MACROD2: variants seen among roughly 807,000 people sequenced by gnomAD.
MACROD2 encodes the protein ADP-ribose glycohydrolase MACROD2.
In MACROD2, 36 loss-of-function variants were observed where a neutral mutation model predicts 70.4. The ratio of observed to expected loss-of-function variants is 0.51; its 90% CI spans 0.39 to 0.68. The LOEUF (loss-of-function observed/expected upper bound fraction) is 0.68. Ranked by LOEUF, MACROD2 falls within the 30% of genes least tolerant of loss-of-function variation. The pLI is 0.00. For missense variants in MACROD2, 496 were observed against 538.4 expected (o/e 0.92, Z 0.78); for synonymous variants, 172 against 178.8 (o/e 0.96, Z 0.30).
chr20:14,782,800 G>C (rs1435854261), intron 5 of MACROD2, among the ~76,000 whole-genome samples: 1 of 152,016 alleles, frequency 6.6e-6, no homozygotes, highest in African/African-American at 2.4e-5. Flanking sequence ...CTGATTTTCT[G>C]TACTCCAGTC....
At chr20:14,220,987 G>A (rs1263144004) in intron 3 of MACROD2, among the ~76,000 whole-genome samples, 2 of 152,176 alleles carry the variant, frequency 1.3e-5, no homozygotes, top group Admixed American at 6.5e-5. Context: ...AGTGCGAGGT[G>A]CCGCCCACTG....
intron 7 of MACROD2, among the ~76,000 whole-genome samples, chr20:15,437,789 A>G (rs889292454): frequency 3.3e-5 from 5 of 152,186 alleles, no homozygotes; most frequent in Non-Finnish European, 7.4e-5. Context: ...ACTAAGGATA[A>G]TAGCTTCCAG....
chr20:14,658,127 G>A (rs907564896), intron 4 of MACROD2, among the ~76,000 whole-genome samples: 3 of 151,694 alleles, frequency 2.0e-5, no homozygotes, highest in East Asian at 3.9e-4. Flanking sequence ...AAGATGATGA[G>A]GGAAAAAAGA....
chr20:14,426,475 T>G (rs759380594), intron 3 of MACROD2, among the ~76,000 whole-genome samples: 1 of 152,148 alleles, frequency 6.6e-6, no homozygotes, highest in Admixed American at 6.6e-5. Context: ...TACATATTAG[T>G]TTGCTTAATT....
intron 5 of MACROD2, among the ~76,000 whole-genome samples, chr20:15,056,593 A>G (rs557448291): frequency 6.6e-6 from 1 of 152,282 alleles, no homozygotes; most frequent in South Asian, 2.1e-4. Flanking sequence ...TCAACAGTAA[A>G]TAACTTTAAC....
chr20:15,914,129 A>G (rs2065276950), intron 10 of MACROD2, among the ~76,000 whole-genome samples: 1 of 152,226 alleles, frequency 6.6e-6, no homozygotes, highest in South Asian at 2.1e-4. Flanking sequence ...CAGGAAGACT[A>G]TTAACCCCTT....
chr20:15,816,384 C>A (rs2063875428), intron 8 of MACROD2, among the ~76,000 whole-genome samples: 1 of 152,046 alleles, frequency 6.6e-6, no homozygotes, highest in Non-Finnish European at 1.5e-5. Context: ...TTAATTCATG[C>A]AAACCAGCCT....
intron 2 of MACROD2, among the ~76,000 whole-genome samples, chr20:14,056,323 T>C: frequency 6.6e-6 from 1 of 152,110 alleles, no homozygotes; most frequent in East Asian, 1.9e-4. Context: ...AGATTGGAGG[T>C]ATATATGTAT....
At chr20:15,820,113 G>A (rs2063923204) in intron 8 of MACROD2, among the ~76,000 whole-genome samples, 1 of 152,010 alleles carries the variant, frequency 6.6e-6, no homozygotes, top group Admixed American at 6.6e-5. Flanking sequence ...GCGACACTGT[G>A]TGCTGAAGCA....
intron 7 of MACROD2, among the ~76,000 whole-genome samples, chr20:15,483,411 A>G (rs1363364279): frequency 6.6e-6 from 1 of 152,054 alleles, no homozygotes; most frequent in Non-Finnish European, 1.5e-5. Context: ...CCATTGATCT[A>G]TTTCTCCATC....
rs199851966 is a variant in MACROD2, at chr20:15,088,457, TTGTG to T, written c.419-141469_419-141466del. Among the ~76,000 whole-genome samples the T allele has an allele frequency of 3.5e-4, 43 of 123,496 alleles. 1 individual carries two copies. The South Asian group carries it at 4.9e-3, about 14-fold the overall frequency. 81.0% of individuals were successfully genotyped at this position (123,496 alleles called of 152,430 possible). A position where few individuals can be genotyped will look rare whatever the true frequency, so the allele number is the denominator to read the frequency against. On this transcript the variant is annotated intron_variant, in intron 5 of 17. Coordinates refer to ENST00000684519, the MANE Select transcript of MACROD2 (RefSeq NM_001351661.2). ...TATATATATATATATATATAATATT[TTGTG>T]TGTGTGTGTGTGTTGCTTTAAAGTC...
chr20:15,724,274 A>G (rs1268748578), intron 8 of MACROD2, among the ~76,000 whole-genome samples: 1 of 152,098 alleles, frequency 6.6e-6, no homozygotes, highest in Non-Finnish European at 1.5e-5. Flanking sequence ...TTTGAGTTTT[A>G]TGAAGTTTAG....
chr20:14,740,455 C>G (rs1278154354), intron 5 of MACROD2, among the ~76,000 whole-genome samples: 47 of 152,082 alleles, frequency 3.1e-4, no homozygotes, highest in Admixed American at 3.1e-3. Context: ...AAATCTTTTC[C>G]TTGGTTATCA....
intron 7 of MACROD2, among the ~76,000 whole-genome samples, chr20:15,431,928 T>C (rs536390649): frequency 6.6e-6 from 1 of 152,216 alleles, no homozygotes; most frequent in African/African-American, 2.4e-5. Flanking sequence ...CAAATTTTTT[T>C]TTCTGCATAG....
At chr20:15,725,953 T>C (rs2050856541) in intron 8 of MACROD2, among the ~76,000 whole-genome samples, 1 of 152,128 alleles carries the variant, frequency 6.6e-6, no homozygotes, top group Admixed American at 6.5e-5. Flanking sequence ...AACCTTTATA[T>C]AGGTAAATCT....
At chr20:14,302,757 A>G (rs947736501) in intron 3 of MACROD2, among the ~76,000 whole-genome samples, 4 of 151,718 alleles carry the variant, frequency 2.6e-5, no homozygotes, top group African/African-American at 4.8e-5. Context: ...CCAGGTTCAA[A>G]TGATTCTGTT....
At chr20:14,103,748 T>C (rs2054329594) in intron 3 of MACROD2, among the ~76,000 whole-genome samples, 1 of 152,210 alleles carries the variant, frequency 6.6e-6, no homozygotes, top group Admixed American at 6.5e-5. Context: ...ATAAATACAA[T>C]ACTTTTTATA....
intron 7 of MACROD2, among the ~76,000 whole-genome samples, chr20:15,444,809 G>A (rs2208137): frequency 0.46 from 69,487 of 151,238 alleles, 16,405 homozygotes; most frequent in African/African-American, 0.58. Context: ...AGGTTTTTTA[G>A]TATGAGGTTA....
chr20:14,208,358 G>T (rs2081543058), intron 3 of MACROD2, among the ~76,000 whole-genome samples: 1 of 152,172 alleles, frequency 6.6e-6, no homozygotes, highest in African/African-American at 2.4e-5. Flanking sequence ...AAGGCCAGGG[G>T]TTGGCATGTT....
Sources: allele counts gnomAD v4.1 joint callset (sites outside exome capture counted in the v4.1 genomes callset), GRCh38; gene constraint gnomAD v4.1.1; transcripts MANE v1.5; gene names NCBI Gene and HGNC (gene_info 2026-07-23, HGNC 2026-07-21).